CMTM4: variants seen among roughly 807,000 people sequenced by gnomAD.
The protein encoded by CMTM4 is CKLF-like MARVEL transmembrane domain-containing protein 4.
A neutral mutation model predicts 19.0 loss-of-function variants in CMTM4; 8 were observed. The observed-to-expected ratio is 0.42, with a 90% CI of 0.25 to 0.76. The LOEUF (loss-of-function observed/expected upper bound fraction) is 0.76. Ranked by LOEUF, CMTM4 falls within the 30% of genes least tolerant of loss-of-function variation. The pLI is 0.27. For missense variants in CMTM4, 228 were observed against 290.2 expected (o/e 0.79, Z 1.56); for synonymous variants, 106 against 121.1 (o/e 0.88, Z 0.82).
At chr16:66,683,126 T>TATATATATATAC in intron 1 of CMTM4, among the ~76,000 whole-genome samples, 1 of 134,970 alleles carries the variant, frequency 7.4e-6, no homozygotes, top group African/African-American at 2.8e-5. Context: ...TGTGTGTGTG[T>TATATATATATAC]GTGTATATAT....
chr16:66,662,646 G>A (rs115011939), intron 1 of CMTM4, among the ~76,000 whole-genome samples: 38 of 152,108 alleles, frequency 2.5e-4, no homozygotes, highest in African/African-American at 7.7e-4. Flanking sequence ...GGGCATGAGC[G>A]AACCCCCTTG....
At chr16:66,679,688 G>T (rs2016872075) in intron 1 of CMTM4, among the ~76,000 whole-genome samples, 1 of 152,026 alleles carries the variant, frequency 6.6e-6, no homozygotes, top group African/African-American at 2.4e-5. Flanking sequence ...GCCGGGCGTG[G>T]TGCTGGGTGC....
At position 66,618,083 on chromosome 16, in the gene CMTM4, G is replaced by C; in HGVS notation, c.*3975C>G. 4 of 985,474 alleles carry C rather than the reference G, an allele frequency of 4.1e-6. No homozygotes were observed. In the South Asian group the frequency reaches 1.9e-4, roughly 46 times the overall value. The allele number at this position is 985,474 out of a possible 1,614,324, so 61.0% of individuals were successfully genotyped here. A position where few individuals can be genotyped will look rare whatever the true frequency, so the allele number is the denominator to read the frequency against. ...CAAGCTGTTGGGCCTGGACGTGGGTGCTGATAAAATAAGACAAACCTGGAA... is the reference window on the plus strand; with the variant it reads ...CAAGCTGTTGGGCCTGGACGTGGGTCCTGATAAAATAAGACAAACCTGGAA... On this transcript the variant is annotated 3_prime_UTR_variant, in exon 4 of 4. Coordinates refer to ENST00000394106, the MANE Select transcript of CMTM4 (RefSeq NM_181521.3).
At chr16:66,624,222 T>C (rs539341735) in intron 2 of CMTM4, among the ~76,000 whole-genome samples, 115 of 152,330 alleles carry the variant, frequency 7.5e-4, no homozygotes, top group African/African-American at 2.6e-3. Flanking sequence ...AATGGAACCA[T>C]ACAGGTGAAG....
chr16:66,647,151 T>TAA (rs36018262), intron 1 of CMTM4, among the ~76,000 whole-genome samples: 6,726 of 136,470 alleles, frequency 0.049, 250 homozygotes, highest in Admixed American at 0.11. Flanking sequence ...CCGCCTCTAC[T>TAA]AAAAAAAAAA....
downstream of CMTM4, among the ~76,000 whole-genome samples, chr16:66,614,453 G>A (rs2015488305): frequency 2.6e-5 from 4 of 152,184 alleles, no homozygotes; most frequent in South Asian, 2.1e-4. The surrounding 1 kb of genome is among the most constrained non-coding windows in gnomAD (Gnocchi z 4.9). Flanking sequence ...ACCCGGGTCC[G>A]CATTCTTATC....
intron 1 of CMTM4, among the ~76,000 whole-genome samples, chr16:66,684,718 T>C (rs974986776): frequency 6.6e-6 from 1 of 152,248 alleles, no homozygotes; most frequent in Admixed American, 6.5e-5. Flanking sequence ...AAACAAGCAG[T>C]ATCTTCTCCC....
intron 1 of CMTM4, among the ~76,000 whole-genome samples, chr16:66,692,264 T>C (rs1302143684): frequency 1.3e-5 from 2 of 152,302 alleles, no homozygotes; most frequent in East Asian, 3.9e-4. Flanking sequence ...TAATTTTTTG[T>C]ATTTTTGTAG....
At chr16:66,686,373 C>T (rs576944566) in intron 1 of CMTM4, among the ~76,000 whole-genome samples, 10 of 151,660 alleles carry the variant, frequency 6.6e-5, no homozygotes, top group African/African-American at 2.4e-4. Flanking sequence ...ACCAGCCTGG[C>T]CAACATGGGA....
In CMTM4 at chr16:66,621,054, G is replaced by T. The variant is rs973554054; in HGVS notation, c.*1004C>A. ...AGGGTGTGTTCTGGTGCAAATTCAA[G>T]TATTTTCAAATCCTAGACGAATCTG... On this transcript the variant is annotated 3_prime_UTR_variant, in exon 4 of 4. Transcript: ENST00000394106. The T allele has an allele frequency of 3.0e-6, 3 of 985,896 alleles. No individual in the cohort carries two copies. The highest frequency in any genetic ancestry group is 3.6e-6 in the Non-Finnish European group (3 of 829,942). 61.1% of individuals were successfully genotyped at this position (985,896 alleles called of 1,614,324 possible).
At chr16:66,695,643 T>C (rs900153452) in intron 1 of CMTM4, among the ~76,000 whole-genome samples, 1 of 152,198 alleles carries the variant, frequency 6.6e-6, no homozygotes, top group Non-Finnish European at 1.5e-5. Flanking sequence ...GAAAGTTCTC[T>C]GTTTCTGCTA....
intron 1 of CMTM4, among the ~76,000 whole-genome samples, chr16:66,695,177 T>C (rs1422218338): frequency 6.6e-6 from 1 of 152,066 alleles, no homozygotes; most frequent in African/African-American, 2.4e-5. Flanking sequence ...TGAAACCCCA[T>C]CTCTACTAAA....
intron 1 of CMTM4, among the ~76,000 whole-genome samples, chr16:66,646,218 G>C (rs1252483181): frequency 6.6e-6 from 1 of 152,134 alleles, no homozygotes; most frequent in African/African-American, 2.4e-5. Context: ...TATGTGCATT[G>C]AAGGATTTAA....
intron 1 of CMTM4, among the ~76,000 whole-genome samples, chr16:66,695,875 C>T (rs930164201): frequency 2.0e-5 from 3 of 152,236 alleles, no homozygotes; most frequent in African/African-American, 7.2e-5. Context: ...CTACCATATA[C>T]GCCTGGCACC....
At chr16:66,633,647 GTC>G (rs1254681364) in intron 2 of CMTM4, among the ~76,000 whole-genome samples, 1 of 151,772 alleles carries the variant, frequency 6.6e-6, no homozygotes, top group Non-Finnish European at 1.5e-5. Context: ...GCGAAACCTC[GTC>G]TCTATTAAAA....
chr16:66,663,275 C>T (rs1423396270), intron 1 of CMTM4, among the ~76,000 whole-genome samples: 2 of 152,258 alleles, frequency 1.3e-5, no homozygotes, highest in African/African-American at 2.4e-5. Context: ...TGGAAAAAGA[C>T]AATCAACAGA....
the CMTM4 span, chr16:66,604,867 G>C: frequency 2.1e-6 from 3 of 1,407,074 alleles, no homozygotes; most frequent in Non-Finnish European, 2.8e-6. Context: ...TCCCGTCCCG[G>C]CCCCGCGGTC....
At chr16:66,624,194 G>C (rs377642492) in intron 2 of CMTM4, among the ~76,000 whole-genome samples, 89 of 152,338 alleles carry the variant, frequency 5.8e-4, no homozygotes, top group African/African-American at 1.9e-3. Context: ...CTTCCTCCCA[G>C]AGTTGTTGAA....
chr16:66,604,641 G>T, the CMTM4 span: 1 of 485,486 alleles, frequency 2.1e-6, no homozygotes, highest in Non-Finnish European at 3.1e-6. Context: ...GGAGGGGCGG[G>T]CTGGAGGAGC....
Sources: allele counts gnomAD v4.1 joint callset (sites outside exome capture counted in the v4.1 genomes callset), GRCh38; gene constraint gnomAD v4.1.1; non-coding constraint Gnocchi (gnomAD v3.1); transcripts MANE v1.5; gene names NCBI Gene and HGNC (gene_info 2026-07-23, HGNC 2026-07-21).